The following ALCAM variants were observed in gnomAD, a reference collection of about 807,000 sequenced individuals.
ALCAM encodes CD166 antigen.
Under a neutral mutation model 70.9 loss-of-function variants are expected in ALCAM, and 30 were observed. That is an observed-to-expected ratio of 0.42 (90% CI 0.32 to 0.57). The LOEUF (loss-of-function observed/expected upper bound fraction) is 0.57, where lower values mean the gene tolerates loss of function less well. ALCAM is among the 20% of genes least tolerant of loss of function. The pLI is 0.11. For missense variants in ALCAM, 591 were observed against 695.1 expected, an observed-to-expected ratio of 0.85 and a Z score of 1.68; for synonymous variants, 249 against 242.5, an observed-to-expected ratio of 1.03 and a Z score of -0.25.
intron 13 of ALCAM, 32 bp from the exon 14 acceptor site, chr3:105,552,436 G>C (rs904407057): frequency 6.3e-7 from 1 of 1,595,928 alleles, no homozygotes; most frequent in Non-Finnish European, 8.6e-7. Flanking sequence ...GGCATTGTCT[G>C]TAATTGCATG....
At chr3:105,402,938 C>CTTCTTTTTTTTTTTTTT (rs1936124536) in intron 1 of ALCAM, among the ~76,000 whole-genome samples, 1 of 117,256 alleles carries the variant, frequency 8.5e-6, no homozygotes, top group Non-Finnish European at 1.8e-5. Context: ...AGCTGATGCG[C>CTTCTTTTTTTTTTTTTT]TTTTTTTTTT....
chr3:105,484,694 A>G (rs1193890375), intron 1 of ALCAM, among the ~76,000 whole-genome samples: 1 of 152,112 alleles, frequency 6.6e-6, no homozygotes, highest in East Asian at 1.9e-4. Context: ...AGGAGACGAC[A>G]GAAGAGGAAT....
intron 1 of ALCAM, among the ~76,000 whole-genome samples, chr3:105,397,343 T>A (rs953497254): frequency 2.0e-5 from 3 of 152,006 alleles, no homozygotes; most frequent in African/African-American, 7.2e-5. Context: ...ATATATGAAG[T>A]AAACTTAGTC....
chr3:105,494,783 C>T (rs958437107), intron 1 of ALCAM, among the ~76,000 whole-genome samples: 41 of 152,110 alleles, frequency 2.7e-4, no homozygotes, highest in African/African-American at 9.7e-4. Context: ...CCTCAGCGTC[C>T]TGACTAACTG....
intron 15 of ALCAM, among the ~76,000 whole-genome samples, chr3:105,573,258 T>C (rs367828480): frequency 6.6e-6 from 1 of 152,140 alleles, no homozygotes; most frequent in Non-Finnish European, 1.5e-5. Context: ...ACCCAAGAGG[T>C]GGGGGTTGCA....
intron 1 of ALCAM, among the ~76,000 whole-genome samples, chr3:105,519,845 G>A (rs1939483358): frequency 6.6e-6 from 1 of 152,122 alleles, no homozygotes; most frequent in South Asian, 2.1e-4. Flanking sequence ...TTGTGTGATA[G>A]TCAAGGATTC....
At chr3:105,469,718 G>A (rs979168901) in intron 1 of ALCAM, among the ~76,000 whole-genome samples, 21 of 151,062 alleles carry the variant, frequency 1.4e-4, no homozygotes, top group African/African-American at 4.6e-4. Context: ...TCTGAAAGCA[G>A]AACTCCACTC....
intron 1 of ALCAM, among the ~76,000 whole-genome samples, chr3:105,465,078 A>T (rs2152599871): frequency 6.6e-6 from 1 of 151,684 alleles, no homozygotes; most frequent in Non-Finnish European, 1.5e-5. Flanking sequence ...GAGAAAAAAT[A>T]GTATCACTTA....
chr3:105,403,828 T>TA (rs1936152653), intron 1 of ALCAM, among the ~76,000 whole-genome samples: 1 of 150,276 alleles, frequency 6.7e-6, no homozygotes, highest in South Asian at 2.1e-4. Context: ...CTTAATGAAA[T>TA]AAAAAACATG....
intron 1 of ALCAM, among the ~76,000 whole-genome samples, chr3:105,407,508 C>CA (rs1466389161): frequency 3.9e-5 from 6 of 152,040 alleles, no homozygotes; most frequent in African/African-American, 1.4e-4. Flanking sequence ...AGGCATTTGA[C>CA]AAAATTCAGT....
intron 6 of ALCAM, among the ~76,000 whole-genome samples, chr3:105,535,400 T>C (rs1344576527): frequency 6.6e-6 from 1 of 152,132 alleles, no homozygotes; most frequent in African/African-American, 2.4e-5. Context: ...GATATTAGAA[T>C]AGAATCTTTT....
intron 1 of ALCAM, among the ~76,000 whole-genome samples, chr3:105,444,523 G>A (rs960837807): frequency 6.6e-6 from 1 of 152,116 alleles, no homozygotes; most frequent in South Asian, 2.1e-4. Context: ...TTTGCAGTGA[G>A]ATTTGGTTGG....
intron 1 of ALCAM, among the ~76,000 whole-genome samples, chr3:105,391,622 A>C (rs1014353395): frequency 3.3e-5 from 5 of 151,978 alleles, no homozygotes; most frequent in African/African-American, 1.2e-4. Flanking sequence ...TTCCAGTACT[A>C]TGTTGAATAG....
intron 14 of ALCAM, among the ~76,000 whole-genome samples, chr3:105,563,879 G>A (rs376674042): frequency 1.5e-4 from 22 of 148,192 alleles, no homozygotes; most frequent in African/African-American, 5.5e-4. Context: ...AGTAGAGACG[G>A]GGTTTCACCT....
rs764292557 is a variant in ALCAM at position 105,541,741 on chromosome 3, G to T, written c.967G>T (p.Ala323Ser). ...CCTGATAGACAAAAAAAGCATGATT[G>T]CTTCAACAGCTATCACAGTTCACTG... ...CSLIDKKSMI[A>S]STAITVHYLD... Residue 323 changes from alanine to serine, a missense_variant, in exon 8 of 16, where the codon GCT (alanine) becomes TCT (serine). Transcript: ENST00000306107. 9 of 1,612,126 alleles carry T rather than the reference G, an allele frequency of 5.6e-6. No individual in the cohort carries two copies. The highest frequency in any genetic ancestry group is 6.8e-6 in the Non-Finnish European group (8 of 1,178,800).
chr3:105,434,753 T>C (rs1937013817), intron 1 of ALCAM, among the ~76,000 whole-genome samples: 1 of 152,136 alleles, frequency 6.6e-6, no homozygotes, highest in African/African-American at 2.4e-5. Context: ...AACTCATGGG[T>C]AAGTTTATAT....
At chr3:105,446,614 C>CGT (rs1937305139) in intron 1 of ALCAM, among the ~76,000 whole-genome samples, 2 of 32,312 alleles carry the variant, frequency 6.2e-5, no homozygotes, top group Non-Finnish European at 1.9e-4. Context: ...TTGGTGTACA[C>CGT]ACACACACAC....
At chr3:105,376,153 T>G (rs1935373296) in intron 1 of ALCAM, among the ~76,000 whole-genome samples, 1 of 152,026 alleles carries the variant, frequency 6.6e-6, no homozygotes, top group Admixed American at 6.6e-5. Flanking sequence ...TCTGAAGGAT[T>G]AGAGGCATGG....
chr3:105,490,292 T>C (rs1480774825), intron 1 of ALCAM, among the ~76,000 whole-genome samples: 2 of 152,238 alleles, frequency 1.3e-5, no homozygotes, highest in African/African-American at 4.8e-5. Flanking sequence ...TGCCTTGTAC[T>C]AGAAGAGTGA....
Sources: allele counts gnomAD v4.1 joint callset (sites outside exome capture counted in the v4.1 genomes callset), GRCh38; gene constraint gnomAD v4.1.1; transcripts MANE v1.5; gene names NCBI Gene and HGNC (gene_info 2026-07-23, HGNC 2026-07-21).